Variants in NRDE2 observed in about 807,000 individuals in gnomAD.
The protein encoded by NRDE2 is NRDE-2, necessary for RNA interference, domain containing, also known as nuclear exosome regulator NRDE2.
A neutral mutation model predicts 124.2 loss-of-function variants in NRDE2; 76 were observed. That is an observed-to-expected ratio of 0.61 (90% confidence interval 0.51 to 0.74). The LOEUF (loss-of-function observed/expected upper bound fraction) is 0.74, where lower values mean the gene tolerates loss of function less well. Ranked by LOEUF, NRDE2 falls within the 30% of genes least tolerant of loss-of-function variation. The probability of loss-of-function intolerance (pLI) is 0.00; values close to 1 mark genes in which losing one functional copy is unlikely to be tolerated. For missense variants in NRDE2, 1,314 were observed against 1,417.3 expected (o/e 0.93, Z 1.17); for synonymous variants, 489 against 528.1 (o/e 0.93, Z 1.01).
rs755511116 is a variant in NRDE2 at position 90,288,489 on chromosome 14, T to C, written c.2886A>G (p.Thr962=). The C allele has an allele frequency of 1.9e-6, 3 of 1,613,964 alleles. No individual in the cohort carries two copies. Among genetic ancestry groups the C allele is most frequent in the African/African-American group, 1.3e-5 (1 of 74,884 alleles). Residue 962 remains threonine, a synonymous_variant, in exon 11 of 14, where the codon ACA becomes ACG. Transcript: ENST00000354366. ...ATCTCAGCAGGCTCGTGTGCATCAGTGTGATGGCTTCGAGAACACTGGTCC... is the reference window on the plus strand; with the variant it reads ...ATCTCAGCAGGCTCGTGTGCATCAGCGTGATGGCTTCGAGAACACTGGTCC... The part of the protein sequence containing the change: ...QSWTSVLEAI[T]LMHTSLLRFH...
chr14:90,316,806 T>A lies in NRDE2; in HGVS notation c.179A>T (p.His60Leu), dbSNP rs769427476. ...TTCATCTGAAGACTCTGATTTCAGA[T>A]GACTCCTGTTTGGGAAAATCAACTT... is the stretch of plus-strand genomic sequence containing the variant. ...VSEGLPLTRS[H>L]LKSESSDESD... is the part of the protein sequence containing the mutation. Residue 60 changes from histidine (H) to leucine (L), a missense_variant, in exon 3 of 14, where the codon CAT (histidine) becomes CTT (leucine). Physicochemically the swap from His to Leu is moderately conservative, Grantham distance 99. Transcript: ENST00000354366. The A allele has an allele frequency of 3.1e-6, 5 of 1,598,948 alleles. No individual in the cohort carries two copies. The Admixed American group carries it at 5.2e-5, about 17-fold the overall frequency.
At chr14:90,317,861 G>GA (rs926522753) in intron 2 of NRDE2, 144 bp downstream of exon 2, 4 of 579,284 alleles carry the variant, frequency 6.9e-6, no homozygotes, top group African/African-American at 5.7e-5. Flanking sequence ...AGAGGTAAGG[G>GA]AAAATAGTCA....
In NRDE2 at chr14:90,274,827, CA is replaced by C. The variant is rs879362744; in HGVS notation, c.*3508del. ...ACACACACACACACACACACACACA[CA>C]CACACACACACCCCAATACATATGA... On this transcript the variant is annotated 3_prime_UTR_variant, in exon 14 of 14. Coordinates refer to ENST00000354366, the MANE Select transcript of NRDE2 (RefSeq NM_017970.4). The C allele has an allele frequency of 0.069, 6,695 of 96,554 alleles. 223 individuals are homozygous for C. Among genetic ancestry groups the C allele is most frequent in the Non-Finnish European group, 0.09 (4,375 of 48,746 alleles). 6.0% of individuals were successfully genotyped at this position (96,554 alleles called of 1,614,324 possible).
At chr14:90,286,806 C>A (rs547926094) in intron 11 of NRDE2, among the ~76,000 whole-genome samples, 1 of 151,934 alleles carries the variant, frequency 6.6e-6, no homozygotes, top group Admixed American at 6.6e-5. Flanking sequence ...CCTAGCACTT[C>A]GGGAGGCCAA....
chr14:90,302,475 T>C (rs920046738), intron 6 of NRDE2, among the ~76,000 whole-genome samples: 3 of 152,210 alleles, frequency 2.0e-5, no homozygotes, highest in Non-Finnish European at 2.9e-5. Flanking sequence ...CTATGTTTAC[T>C]TGGCTAATCA....
intron 3 of NRDE2, among the ~76,000 whole-genome samples, chr14:90,315,957 C>CAAAAAAAAAAAA (rs59604203): frequency 6.7e-5 from 5 of 74,396 alleles, no homozygotes; most frequent in Non-Finnish European, 9.9e-5. Context: ...AACCCCGTCT[C>CAAAAAAAAAAAA]AAAAAAAAAA....
Position 90,304,028 on chromosome 14 carries a change from A to T in NRDE2, c.912T>A (p.Ser304Arg). 6.2e-7 allele frequency: 1 copy of T among 1,613,734 alleles called. No individual in the cohort carries two copies. Among genetic ancestry groups the T allele is most frequent in the Non-Finnish European group, 8.5e-7 (1 of 1,179,872 alleles). The change falls in exon 5 of 14, where the codon AGT becomes AGA. Residue 304 changes from serine to arginine, a missense_variant. Transcript: ENST00000354366. ...KQPDAQPDSE[S>R]AALKAKVEEF... The stretch of plus-strand genomic sequence containing the variant: ...CCTCCACCTTGGCCTTGAGAGCCGC[A>T]CTCTCGCTGTCTGGCTGTGCGTCTG...
intron 12 of NRDE2, chr14:90,281,700 G>A (rs902455511): frequency 1.3e-5 from 2 of 152,208 alleles, no homozygotes; most frequent in Non-Finnish European, 2.9e-5. Flanking sequence ...TGCAAATTTT[G>A]ATTCTCTTTT....
intron 4 of NRDE2, 60 bp from the exon 5 acceptor site, chr14:90,304,442 T>A: frequency 7.8e-7 from 1 of 1,279,004 alleles, no homozygotes; most frequent in Non-Finnish European, 1.1e-6. Flanking sequence ...TCTGAATGAC[T>A]AAAGGCGCAT....
intron 2 of NRDE2, among the ~76,000 whole-genome samples, chr14:90,317,347 C>T (rs774359572): frequency 5.3e-5 from 8 of 151,970 alleles, no homozygotes; most frequent in Non-Finnish European, 1.2e-4. Flanking sequence ...ATAAAAAAAC[C>T]AAAACATTTA....
At chr14:90,293,154 C>T (rs924030741) in intron 8 of NRDE2, among the ~76,000 whole-genome samples, 3 of 152,154 alleles carry the variant, frequency 2.0e-5, no homozygotes, top group Non-Finnish European at 4.4e-5. Flanking sequence ...CAACAGAACT[C>T]GCTGTGATGA....
At chr14:90,327,974 T>C (rs1885506643) in intron 1 of NRDE2, among the ~76,000 whole-genome samples, 2 of 152,122 alleles carry the variant, frequency 1.3e-5, no homozygotes, top group Admixed American at 1.3e-4. Flanking sequence ...AAACCCCCTA[T>C]CTACTAAAAA....
At chr14:90,311,389 G>A (rs868193076) in intron 4 of NRDE2, among the ~76,000 whole-genome samples, 9 of 152,136 alleles carry the variant, frequency 5.9e-5, no homozygotes, top group African/African-American at 2.2e-4. Flanking sequence ...CCCACGTGTT[G>A]TGGGAGGGGC....
At chr14:90,284,079 G>A (rs1161388256) in intron 12 of NRDE2, among the ~76,000 whole-genome samples, 2 of 151,996 alleles carry the variant, frequency 1.3e-5, no homozygotes, top group African/African-American at 2.4e-5. Context: ...GTGTGCCCAT[G>A]AGCAGCTGTC....
intron 11 of NRDE2, 146 bp from the exon 12 acceptor site, chr14:90,286,638 G>A (rs900356471): frequency 6.7e-5 from 67 of 1,006,474 alleles, no homozygotes; most frequent in African/African-American, 1.2e-4. Context: ...GTAGAGCGCT[G>A]TGTATGGGGC....
Position 90,284,636 on chromosome 14 carries a change from T to C in NRDE2, c.3297+1718A>G, listed in dbSNP as rs1892050213. Among the ~76,000 whole-genome samples, 3 of 152,154 alleles carry C rather than the reference T, an allele frequency of 2.0e-5. No individual in the cohort carries two copies. In the East Asian group the frequency reaches 5.8e-4, roughly 29 times the overall value. Reference sequence around the variant, plus strand: ...CGGCTCCCTCAGCCTCCCAAAGTGCTGGGATCACAGGCATGAGCCACCACA... The same window carrying C: ...CGGCTCCCTCAGCCTCCCAAAGTGCCGGGATCACAGGCATGAGCCACCACA... On this transcript the variant is annotated intron_variant, in intron 12 of 13. Coordinates refer to ENST00000354366, the MANE Select transcript of NRDE2 (RefSeq NM_017970.4).
chr14:90,317,239 C>T (rs968728563), intron 2 of NRDE2, among the ~76,000 whole-genome samples: 1 of 151,910 alleles, frequency 6.6e-6, no homozygotes, highest in African/African-American at 2.4e-5. Flanking sequence ...CGTAGCAAGA[C>T]CTCATCTTTA....
chr14:90,294,812 T>C (rs1196236312), intron 8 of NRDE2, among the ~76,000 whole-genome samples: 2 of 152,210 alleles, frequency 1.3e-5, no homozygotes, highest in Non-Finnish European at 2.9e-5. Context: ...CACTTAAAAA[T>C]GATCAATTTT....
At chr14:90,299,680 G>C (rs1438722861) in intron 7 of NRDE2, among the ~76,000 whole-genome samples, 1 of 152,160 alleles carries the variant, frequency 6.6e-6, no homozygotes, top group African/African-American at 2.4e-5. Flanking sequence ...CTCCAGGAGA[G>C]TCACGTCAGG....
Sources: gnomAD v4.1 joint callset for allele counts (sites outside exome capture counted in the v4.1 genomes callset) on GRCh38, gnomAD v4.1.1 for gene constraint, MANE v1.5 for transcripts, NCBI Gene and HGNC (gene_info 2026-07-23, HGNC 2026-07-21) for gene names.